Variants in NISCH observed in about 807,000 individuals in gnomAD.
NISCH encodes I-1 receptor candidate protein.
Under a neutral mutation model 138.4 loss-of-function variants are expected in NISCH, and 55 were observed. The ratio of observed to expected loss-of-function variants is 0.40; its 90% confidence interval spans 0.32 to 0.50. NISCH has a LOEUF of 0.50. Ranked by LOEUF, NISCH falls within the 20% of genes least tolerant of loss-of-function variation. The probability of loss-of-function intolerance (pLI) is 0.71; values close to 1 mark genes in which losing one functional copy is unlikely to be tolerated. For synonymous variants in NISCH, 860 were observed against 861.5 expected (o/e 1.00, Z 0.03); for missense variants, 1,643 against 2,005.5 (o/e 0.82, Z 3.45).
intron 17 of NISCH, 194 bp from the exon 18 acceptor site, chr3:52,489,881 C>A: frequency 8.6e-7 from 1 of 1,160,634 alleles, no homozygotes. Context: ...ACCTCCTGTG[C>A]CACTTCCAGC....
chr3:52,478,684 C>A, intron 11 of NISCH, 107 bp downstream of exon 11: 1 of 1,065,216 alleles, frequency 9.4e-7, no homozygotes. Context: ...TTGCCTGCTT[C>A]AGAAAGAGGT....
At chr3:52,485,658 TG>T in intron 14 of NISCH, 119 bp from the exon 15 acceptor site, 3 of 1,104,132 alleles carry the variant, frequency 2.7e-6, no homozygotes, top group Non-Finnish European at 4.0e-6. Flanking sequence ...AGCGTGGGGA[TG>T]GGGAGCCTCC....
chr3:52,479,934 G>A (rs1578300307), intron 12 of NISCH, 72 bp downstream of exon 12: 1 of 1,260,762 alleles, frequency 7.9e-7, no homozygotes, highest in East Asian at 2.4e-5. Context: ...TGGGGGGCTT[G>A]GGCCATGGGA....
Position 52,487,928 on chromosome 3 carries a change from A to T in NISCH, c.2436A>T (p.Ala812=). 1 of 1,611,038 alleles carries T rather than the reference A, an allele frequency of 6.2e-7. No homozygotes were observed. The highest frequency in any genetic ancestry group is 8.5e-7 in the Non-Finnish European group (1 of 1,179,754). ...EFHADLRSCF[A]PQHMAMLCSP... ...ACGCGGACCTGCGCTCATGCTTTGC[A>T]CCCCAGCACATGGCCATGCTGTGTA... is the stretch of plus-strand genomic sequence containing the variant. Residue 812 remains alanine (A), a synonymous_variant, in exon 16 of 21, where the codon GCA becomes GCT. Coordinates refer to ENST00000345716, the MANE Select transcript of NISCH (RefSeq NM_007184.4). The surrounding 1 kb of genome is among the most constrained non-coding windows in gnomAD (Gnocchi z 9.1).
At chr3:52,476,210 G>A (rs1707093224) in intron 7 of NISCH, 2 of 498,578 alleles carry the variant, frequency 4.0e-6, no homozygotes. Flanking sequence ...GAAAAGCATT[G>A]CTCCTAAAGC....
At position 52,469,537 on chromosome 3, in the gene NISCH, T is replaced by TG. The variant is rs1347022304; in HGVS notation, c.361-1316dup. ...ATCCCAACAACTTGGGAGGCCGAGG[T>TG]GGGGGGATCTCTTGAGGCCAGAAGT... On this transcript the variant is annotated intron_variant, in intron 3 of 20. Coordinates refer to ENST00000345716, the MANE Select transcript of NISCH (RefSeq NM_007184.4). 4.6e-5 allele frequency among the ~76,000 whole-genome samples: 7 copies of TG among 152,222 alleles called. No homozygotes were observed. In the East Asian group the frequency reaches 1.4e-3, roughly 29 times the overall value.
At chr3:52,471,430 G>C (rs1475478461) in intron 4 of NISCH, 4 of 320,012 alleles carry the variant, frequency 1.2e-5, no homozygotes, top group Non-Finnish European at 1.2e-5. Flanking sequence ...TCTGCACCAC[G>C]CTGGCACCAT....
intron 13 of NISCH, chr3:52,480,669 T>G: frequency 4.9e-6 from 7 of 1,422,498 alleles, no homozygotes; most frequent in Non-Finnish European, 6.4e-6. Context: ...AAGCCGGGCT[T>G]GTGACTTTAC....
rs188816312 is a variant in NISCH, at chr3:52,492,017, C to T, written c.4050C>T (p.Tyr1350=). 5.3e-5 allele frequency: 86 copies of T among 1,613,346 alleles called. No homozygotes were observed. Among genetic ancestry groups the T allele is most frequent in the African/African-American group, 1.1e-4 (8 of 75,072 alleles). The stretch of plus-strand genomic sequence containing the variant: ...CCCCAGCCCTCAGCATCCTGCTGTA[C>T]GTGCAGGCCTTCCAGGTGGGCATGC... ...EKAPALSILL[Y]VQAFQVGMPP... is the part of the protein sequence containing the mutation. Residue 1350 remains tyrosine (Y), a synonymous_variant, in exon 21 of 21, where the codon TAC becomes TAT. Transcript: ENST00000345716.
At chr3:52,490,883 C>T in intron 19 of NISCH, 50 bp downstream of exon 19, 1 of 1,607,474 alleles carries the variant, frequency 6.2e-7, no homozygotes, top group Non-Finnish European at 8.5e-7. Flanking sequence ...GCCAGCATCA[C>T]CAGTGGGCTT....
Position 52,476,514 on chromosome 3 carries a change from C to T in NISCH, c.833C>T (p.Pro278Leu). The T allele has an allele frequency of 1.9e-6, 3 of 1,614,124 alleles. No homozygotes were observed. The highest frequency in any genetic ancestry group is 2.5e-6 in the Non-Finnish European group (3 of 1,179,976). Residue 278 changes from proline (P) to leucine (L), a missense_variant, in exon 8 of 21, where the codon CCT (proline) becomes CTT (leucine). By Grantham distance (98) the Pro-to-Leu change is moderately conservative. Transcript: ENST00000345716. Reference sequence around the variant, plus strand: ...CCTGAAGGCACAACCCTAGAAGGCCCTGTGACTGCCGTCATCCCCACTTGG... The same window carrying T: ...CCTGAAGGCACAACCCTAGAAGGCCTTGTGACTGCCGTCATCCCCACTTGG... ...WEPEGTTLEG[P>L]VTAVIPTWQA...
At chr3:52,455,934 C>T (rs1253715907) in intron 1 of NISCH, among the ~76,000 whole-genome samples, 200 bp downstream of exon 1, 2 of 143,570 alleles carry the variant, frequency 1.4e-5, no homozygotes, top group Middle Eastern at 3.9e-3. Context: ...TGCTCGGGGC[C>T]CGGGGAGGCG....
chr3:52,487,157 C>T lies in NISCH; in HGVS notation c.1704-39C>T, dbSNP rs1707420793. The T allele has an allele frequency of 6.3e-7, 1 of 1,576,572 alleles. No homozygotes were observed. Among genetic ancestry groups the T allele is most frequent in the East Asian group, 2.3e-5 (1 of 44,358 alleles). On this transcript the variant is annotated intron_variant, in intron 15 of 20. Transcript: ENST00000345716. The surrounding 1 kb of genome is among the most constrained non-coding windows in gnomAD (Gnocchi z 9.1). ...TGGCAGGTGGGAGGTGGGAGGGGCC[C>T]CTCCCAGCATGCCACTGACCTGGCC... is the stretch of plus-strand genomic sequence containing the variant.
At chr3:52,479,658 C>T in intron 11 of NISCH, 91 bp from the exon 12 acceptor site, 2 of 927,678 alleles carry the variant, frequency 2.2e-6, no homozygotes, top group South Asian at 3.3e-5. Context: ...CTGCCATGCT[C>T]ACCAGTCCCC....
rs1242591287 is a variant in NISCH, at chr3:52,491,374, C to T, written c.3765C>T (p.Val1255=). 1 of 1,612,518 alleles carries T rather than the reference C, an allele frequency of 6.2e-7. No individual in the cohort carries two copies. Among genetic ancestry groups the T allele is most frequent in the Non-Finnish European group, 8.5e-7 (1 of 1,179,670 alleles). The change falls in exon 20 of 21, where the codon GTC becomes GTT. Residue 1255 remains valine, a synonymous_variant. Coordinates refer to ENST00000345716, the MANE Select transcript of NISCH (RefSeq NM_007184.4). ...RLTGSTPMQV[V]TCLTRDSYLT... is the part of the protein sequence containing the mutation. ...CAGGTTCCACCCCGATGCAGGTGGT[C>T]ACGTGCTTGACGCGGGACAGCTACC...
In NISCH at chr3:52,468,472, G is replaced by A. The variant is rs556941601; in HGVS notation, c.361-2387G>A. On this transcript the variant is annotated intron_variant, in intron 3 of 20. Coordinates refer to ENST00000345716, the MANE Select transcript of NISCH (RefSeq NM_007184.4). Reference sequence around the variant, plus strand: ...GATTGCGAAGTACAGATCTGTAGACGGGGCGTGGTTTTCAAAACCATCCGT... The same window carrying A: ...GATTGCGAAGTACAGATCTGTAGACAGGGCGTGGTTTTCAAAACCATCCGT... 7.0e-4 allele frequency among the ~76,000 whole-genome samples: 106 copies of A among 152,274 alleles called. 1 individual carries two copies. Among genetic ancestry groups the A allele is most frequent in the African/African-American group, 2.4e-3 (100 of 41,552 alleles).
At position 52,455,635 on chromosome 3, in the gene NISCH, C is replaced by T. The variant is rs768499546; in HGVS notation, c.-7C>T. On this transcript the variant is annotated 5_prime_UTR_variant, in exon 1 of 21. Transcript: ENST00000345716. ...CGCCGGGCGGCGGTGGCGGCGGAGA[C>T]CCGAACATGGCGACCGCGCGCACCT... The T allele has an allele frequency of 5.3e-6, 7 of 1,332,636 alleles. No individual in the cohort carries two copies. The highest frequency in any genetic ancestry group is 6.8e-6 in the Non-Finnish European group (7 of 1,034,232). 82.6% of individuals were successfully genotyped at this position (1,332,636 alleles called of 1,614,324 possible). A position where few individuals can be genotyped will look rare whatever the true frequency, so the allele number is the denominator to read the frequency against.
rs777667289 is a variant in NISCH, at chr3:52,487,819, C to G, written c.2327C>G (p.Pro776Arg). Residue 776 changes from proline to arginine, a missense_variant, in exon 16 of 21, where the codon CCG (proline) becomes CGG (arginine). Pro to Arg is a moderately radical substitution (Grantham distance 103). Transcript: ENST00000345716. This position sits in a 1 kb window ranked among gnomAD's most constrained non-coding sequence, Gnocchi z 9.1. ...CTCACCGAGTTTGGCTTCCTCATGC[C>G]GGAGCTGTGTCTGGTGCTCAAGGTA... is the stretch of plus-strand genomic sequence containing the variant. ...GDLTEFGFLMPELCLVLKVRH... is the reference protein window; with the variant it reads ...GDLTEFGFLMRELCLVLKVRH... 2 of 1,613,354 alleles carry G rather than the reference C, an allele frequency of 1.2e-6. No individual in the cohort carries two copies. The highest frequency in any genetic ancestry group is 1.7e-5 in the Admixed American group (1 of 59,920).
intron 20 of NISCH, 130 bp from the exon 21 acceptor site, chr3:52,491,742 G>A (rs1578316833): frequency 7.8e-7 from 1 of 1,279,524 alleles, no homozygotes; most frequent in South Asian, 1.4e-5. Context: ...TGGCCTGTGG[G>A]CCCCACACTT....
Sources: gnomAD v4.1 joint callset for allele counts (sites outside exome capture counted in the v4.1 genomes callset) on GRCh38, gnomAD v4.1.1 for gene constraint, Gnocchi (gnomAD v3.1) non-coding constraint, MANE v1.5 for transcripts, NCBI Gene and HGNC (gene_info 2026-07-23, HGNC 2026-07-21) for gene names.